Variants in SYNGR1 observed in about 807,000 individuals in gnomAD.
SYNGR1 encodes synaptogyrin-1.
A neutral mutation model predicts 26.1 loss-of-function variants in SYNGR1; 14 were observed. The observed-to-expected ratio is 0.54, with a 90% CI of 0.35 to 0.84. SYNGR1 has a LOEUF of 0.84. Ranked by LOEUF, SYNGR1 falls within the 40% of genes least tolerant of loss-of-function variation. The pLI is 0.01. For synonymous variants in SYNGR1, 141 were observed against 150.1 expected (o/e 0.94, Z 0.44); for missense variants, 319 against 332.9 (o/e 0.96, Z 0.33).
chr22:39,380,000 T>C (rs945200106), intron 3 of SYNGR1: 3 of 152,248 alleles, frequency 2.0e-5, no homozygotes, highest in Non-Finnish European at 2.9e-5. Flanking sequence ...AATAAACCTC[T>C]AAGCTGCTTT....
At chr22:39,359,756 G>T (rs897323399) in intron 1 of SYNGR1, among the ~76,000 whole-genome samples, 1 of 151,498 alleles carries the variant, frequency 6.6e-6, no homozygotes, top group African/African-American at 2.4e-5. Context: ...TCCACACCTG[G>T]CCTCCTCTTC....
At chr22:39,365,347 G>A (rs894190350) in intron 1 of SYNGR1, among the ~76,000 whole-genome samples, 5 of 152,208 alleles carry the variant, frequency 3.3e-5, no homozygotes, top group African/African-American at 4.8e-5. Flanking sequence ...GATCCAGAGA[G>A]ACTCAGGTTC....
At position 39,350,142 on chromosome 22, in the gene SYNGR1, C is replaced by A. The variant is rs1923829240; in HGVS notation, c.99+33C>A. ...CGGACTGGCCGACGGCTCTGCCAGGCCGGGGTGGTGGGGGTGTGAGCAAAG... is the reference window on the plus strand; with the variant it reads ...CGGACTGGCCGACGGCTCTGCCAGGACGGGGTGGTGGGGGTGTGAGCAAAG... On this transcript the variant is annotated intron_variant, in intron 1 of 3. Transcript: ENST00000328933. This position sits in a 1 kb window ranked among gnomAD's most constrained non-coding sequence, Gnocchi z 4.3. The A allele has an allele frequency of 7.3e-7, 1 of 1,368,818 alleles. No homozygotes were observed. Among genetic ancestry groups the A allele is most frequent in the Admixed American group, 2.5e-5 (1 of 40,340 alleles). 84.8% of individuals were successfully genotyped at this position (1,368,818 alleles called of 1,614,324 possible). A position where few individuals can be genotyped will look rare whatever the true frequency, so the allele number is the denominator to read the frequency against.
chr22:39,354,799 A>T (rs979111922), intron 1 of SYNGR1, among the ~76,000 whole-genome samples: 1 of 151,458 alleles, frequency 6.6e-6, no homozygotes, highest in African/African-American at 2.4e-5. Context: ...AGATCACACC[A>T]CTGCACTCCA....
intron 1 of SYNGR1, among the ~76,000 whole-genome samples, chr22:39,351,827 G>A (rs573415816): frequency 4.6e-5 from 7 of 152,370 alleles, no homozygotes; most frequent in East Asian, 1.9e-4. Flanking sequence ...GGCAGAGGCC[G>A]CAAGAGCCAG....
chr22:39,364,434 A>G, intron 1 of SYNGR1: 1 of 1,419,292 alleles, frequency 7.0e-7, no homozygotes, highest in South Asian at 1.2e-5. Context: ...AAAATAGATG[A>G]TTTAGGTGCC....
intron 1 of SYNGR1, among the ~76,000 whole-genome samples, chr22:39,359,654 A>T (rs1386420105): frequency 1.5e-5 from 2 of 130,550 alleles, no homozygotes; most frequent in Non-Finnish European, 3.2e-5. Flanking sequence ...AAAAAAAAAA[A>T]AAAAGATGCC....
chr22:39,356,019 CAAAAAAAGAAAAGAA>C, intron 1 of SYNGR1, among the ~76,000 whole-genome samples: 1 of 151,558 alleles, frequency 6.6e-6, no homozygotes, highest in Non-Finnish European at 1.5e-5. Flanking sequence ...AACTCCATTT[CAAAAAAAGAAAAGAA>C]AAAGAAAGAA....
In SYNGR1 at chr22:39,377,603, G is replaced by T. The variant is rs1486004674; in HGVS notation, c.483+1406G>T. 1.9e-6 allele frequency: 3 copies of T among 1,613,884 alleles called. No homozygotes were observed. In the South Asian group the frequency reaches 3.3e-5, roughly 18 times the overall value. On this transcript the variant is annotated intron_variant, in intron 3 of 3. Transcript: ENST00000328933. ...CCCCTACTCTCTCCTGGCAGAGCCT[G>T]ACCGCAGCCCTGGCCGTGCGGAGAT...
chr22:39,352,493 TG>T lies in SYNGR1; in HGVS notation c.99+2390del, dbSNP rs1169432500. Among the ~76,000 whole-genome samples, 8 of 152,246 alleles carry T rather than the reference TG, an allele frequency of 5.3e-5. No homozygotes were observed. The East Asian group carries it at 5.8e-4, about 11-fold the overall frequency. ...TTTTACCACAACAGAAAAAGTTTGGTGGGGGGTGGTAATCATGTGATACCAC... is the reference window on the plus strand; with the variant it reads ...TTTTACCACAACAGAAAAAGTTTGGTGGGGGTGGTAATCATGTGATACCAC... On this transcript the variant is annotated intron_variant, in intron 1 of 3. Transcript: ENST00000328933.
intron 3 of SYNGR1, among the ~76,000 whole-genome samples, chr22:39,378,764 G>T (rs1370421471): frequency 6.6e-6 from 1 of 152,188 alleles, no homozygotes; most frequent in Non-Finnish European, 1.5e-5. Flanking sequence ...GGACCACCAG[G>T]TCCCTGGGCT....
rs1411303984 is a variant in SYNGR1 at position 39,350,838 on chromosome 22, G to A, written c.99+729G>A. ...GCCCCCTTGGGCTCTGACATTTCATGAACCGGTAACACCCCTCCCACTCAG... is the reference window on the plus strand; with the variant it reads ...GCCCCCTTGGGCTCTGACATTTCATAAACCGGTAACACCCCTCCCACTCAG... On this transcript the variant is annotated intron_variant, in intron 1 of 3. Transcript: ENST00000328933. The surrounding 1 kb of genome is among the most constrained non-coding windows in gnomAD (Gnocchi z 4.3). 6.6e-6 allele frequency among the ~76,000 whole-genome samples: 1 copy of A among 152,182 alleles called. No individual in the cohort carries two copies. Among genetic ancestry groups the A allele is most frequent in the Non-Finnish European group, 1.5e-5 (1 of 68,030 alleles).
chr22:39,357,926 A>G (rs1924245776), intron 1 of SYNGR1, among the ~76,000 whole-genome samples: 1 of 152,158 alleles, frequency 6.6e-6, no homozygotes. Context: ...CCCGATGAGC[A>G]CCACCCCCTG....
At chr22:39,357,795 C>T (rs1443247097) in intron 1 of SYNGR1, among the ~76,000 whole-genome samples, 1 of 152,232 alleles carries the variant, frequency 6.6e-6, no homozygotes, top group African/African-American at 2.4e-5. Context: ...AGCCCACCGG[C>T]GCTGCGCTCG....
intron 3 of SYNGR1, chr22:39,379,918 T>C (rs1925444147): frequency 6.6e-6 from 1 of 152,210 alleles, no homozygotes; most frequent in African/African-American, 2.4e-5. Context: ...AACAGGGGTC[T>C]GGAGAGTATC....
At chr22:39,352,827 G>A (rs1174081917) in intron 1 of SYNGR1, among the ~76,000 whole-genome samples, 1 of 152,148 alleles carries the variant, frequency 6.6e-6, no homozygotes, top group East Asian at 1.9e-4. Flanking sequence ...CAGCCCTGGA[G>A]GGGCCCTAAC....
intron 1 of SYNGR1, among the ~76,000 whole-genome samples, chr22:39,371,190 T>G (rs190986803): frequency 4.2e-4 from 64 of 152,264 alleles, no homozygotes; most frequent in African/African-American, 1.5e-3. Flanking sequence ...AATTGTAGTT[T>G]CTGAGGCCGG....
rs1161728581 is a variant in SYNGR1 at position 39,384,848 on chromosome 22, A to T, written c.*2934A>T. 1 of 398,920 alleles carries T rather than the reference A, an allele frequency of 2.5e-6. No individual in the cohort carries two copies. The highest frequency in any genetic ancestry group is 4.4e-6 in the Non-Finnish European group (1 of 226,160). 24.7% of individuals were successfully genotyped at this position (398,920 alleles called of 1,614,324 possible). A position where few individuals can be genotyped will look rare whatever the true frequency, so the allele number is the denominator to read the frequency against. ...TCGGCAGAGTCTGGGGTAGGGAGACAGCGACTTGTCCAAGGTCAAGCACAG... is the reference window on the plus strand; with the variant it reads ...TCGGCAGAGTCTGGGGTAGGGAGACTGCGACTTGTCCAAGGTCAAGCACAG... On this transcript the variant is annotated 3_prime_UTR_variant, in exon 4 of 4. Coordinates refer to ENST00000328933, the MANE Select transcript of SYNGR1 (RefSeq NM_004711.5).
At chr22:39,362,067 C>G (rs1386936917) in intron 1 of SYNGR1, among the ~76,000 whole-genome samples, 1 of 149,298 alleles carries the variant, frequency 6.7e-6, no homozygotes, top group Non-Finnish European at 1.5e-5. Context: ...AGGCTGGTCT[C>G]AAACTCCTGG....
Sources: allele counts gnomAD v4.1 joint callset (sites outside exome capture counted in the v4.1 genomes callset), GRCh38; gene constraint gnomAD v4.1.1; non-coding constraint Gnocchi (gnomAD v3.1); transcripts MANE v1.5; gene names NCBI Gene and HGNC (gene_info 2026-07-23, HGNC 2026-07-21).